CSMD1: variants seen among roughly 807,000 people sequenced by gnomAD.
CSMD1 encodes the protein CUB and sushi domain-containing protein 1.
In CSMD1, 213 loss-of-function variants were observed where a neutral mutation model predicts 417.5. That is an observed-to-expected ratio of 0.51 (90% CI 0.46 to 0.57). The LOEUF (loss-of-function observed/expected upper bound fraction) is 0.57. CSMD1 is among the 20% of genes least tolerant of loss of function. The pLI is 0.00. For synonymous variants in CSMD1, 2,862 were observed against 1,736.8 expected (o/e 1.65, Z -16.11); for missense variants, 6,923 against 4,529.7 (o/e 1.53, Z -15.17).
chr8:3,141,689 C>T (rs536022059), intron 41 of CSMD1, among the ~76,000 whole-genome samples: 2 of 152,264 alleles, frequency 1.3e-5, no homozygotes, highest in Admixed American at 6.5e-5. Flanking sequence ...TCTGCCATCG[C>T]ACTCGGGAAC....
At chr8:3,956,339 G>C (rs566515460) in intron 5 of CSMD1, among the ~76,000 whole-genome samples, 2 of 152,292 alleles carry the variant, frequency 1.3e-5, no homozygotes, top group African/African-American at 2.4e-5. Flanking sequence ...GAATCAGCAA[G>C]ATGTTAGTCA....
chr8:4,765,119 G>C (rs1026630219), intron 1 of CSMD1, among the ~76,000 whole-genome samples: 7 of 152,022 alleles, frequency 4.6e-5, no homozygotes, highest in Non-Finnish European at 8.8e-5. Context: ...TTCAAATCTT[G>C]GGTCTCCCTC....
rs553101149 is a variant in CSMD1, at chr8:4,978,309, A to G, written c.85+16023T>C. 1.7e-4 allele frequency among the ~76,000 whole-genome samples: 26 copies of G among 152,250 alleles called. 1 individual carries two copies. Among genetic ancestry groups the G allele is most frequent in the African/African-American group, 6.3e-4 (26 of 41,542 alleles). ...CTTTTTCAACTCAAGGGTCCCTCTAATTTGAGTCAGGACACTCTAATCTTG... is the reference window on the plus strand; with the variant it reads ...CTTTTTCAACTCAAGGGTCCCTCTAGTTTGAGTCAGGACACTCTAATCTTG... On this transcript the variant is annotated intron_variant, in intron 1 of 69. Transcript: ENST00000635120.
chr8:4,398,962 G>C (rs977408261), intron 3 of CSMD1, among the ~76,000 whole-genome samples: 16 of 152,030 alleles, frequency 1.1e-4, no homozygotes, highest in Non-Finnish European at 2.2e-4. Flanking sequence ...TTTTTTAAAA[G>C]CTTCTTCCAG....
chr8:4,599,717 A>G (rs1318353963), intron 2 of CSMD1, among the ~76,000 whole-genome samples: 4 of 152,204 alleles, frequency 2.6e-5, no homozygotes, highest in African/African-American at 4.8e-5. Flanking sequence ...AGTCATAGCA[A>G]CCACTAACCA....
In CSMD1 at chr8:4,306,880, A is replaced by G. The variant is rs545212010; in HGVS notation, c.415+113073T>C. Reference sequence around the variant, plus strand: ...TTCAATCTCTTTTTGCAAAATCTGCAGTTATGCTTTCCTTACGCTAAAAAT... The same window carrying G: ...TTCAATCTCTTTTTGCAAAATCTGCGGTTATGCTTTCCTTACGCTAAAAAT... On this transcript the variant is annotated intron_variant, in intron 3 of 69. Transcript: ENST00000635120. 1.2e-4 allele frequency among the ~76,000 whole-genome samples: 18 copies of G among 152,212 alleles called. No individual in the cohort carries two copies. In the South Asian group the frequency reaches 3.7e-3, roughly 32 times the overall value.
At chr8:4,600,755 A>T (rs927198719) in intron 2 of CSMD1, among the ~76,000 whole-genome samples, 2 of 152,196 alleles carry the variant, frequency 1.3e-5, no homozygotes, top group African/African-American at 4.8e-5. Context: ...CTTTATGGGA[A>T]CTAAGGCGTG....
chr8:4,059,136 A>T (rs1215412273), intron 3 of CSMD1, among the ~76,000 whole-genome samples: 2 of 152,156 alleles, frequency 1.3e-5, no homozygotes, highest in African/African-American at 4.8e-5. Flanking sequence ...GGATTAAGAA[A>T]CTCACTCAGA....
intron 3 of CSMD1, among the ~76,000 whole-genome samples, chr8:4,046,310 T>C (rs917389703): frequency 3.3e-5 from 5 of 152,186 alleles, no homozygotes; most frequent in Non-Finnish European, 7.4e-5. Context: ...ATTTCTCTTC[T>C]TTGTCCTGGA....
At chr8:2,976,682 C>A (rs754579237) in intron 55 of CSMD1, among the ~76,000 whole-genome samples, 1 of 152,132 alleles carries the variant, frequency 6.6e-6, no homozygotes, top group Non-Finnish European at 1.5e-5. Context: ...ATGCATAGGA[C>A]AAAGATCAGA....
chr8:2,980,096 C>T (rs115532263), intron 54 of CSMD1, among the ~76,000 whole-genome samples: 235 of 152,280 alleles, frequency 1.5e-3, no homozygotes, highest in African/African-American at 5.3e-3. Flanking sequence ...CGGACAGTCC[C>T]GGGCTGGAAC....
chr8:4,802,353 G>A (rs990617896), intron 1 of CSMD1, among the ~76,000 whole-genome samples: 5 of 95,704 alleles, frequency 5.2e-5, no homozygotes, highest in East Asian at 2.2e-4. Flanking sequence ...GTGTGCGCGC[G>A]TGTGTGTGTG....
chr8:4,946,455 C>A (rs962332463), intron 1 of CSMD1, among the ~76,000 whole-genome samples: 6 of 152,104 alleles, frequency 3.9e-5, no homozygotes, highest in Non-Finnish European at 5.9e-5. Flanking sequence ...ACAGGCTGGT[C>A]TGCCCAGTGA....
intron 3 of CSMD1, 100 bp from the exon 4 acceptor site, chr8:4,032,199 A>C: frequency 2.6e-6 from 2 of 783,512 alleles, no homozygotes; most frequent in Non-Finnish European, 4.0e-6. Context: ...TATTAAAATG[A>C]GAAAACCTCT....
At chr8:3,286,194 T>C (rs373372929) in intron 25 of CSMD1, among the ~76,000 whole-genome samples, 3 of 152,224 alleles carry the variant, frequency 2.0e-5, no homozygotes, top group East Asian at 3.8e-4. Context: ...CCATGGCGTA[T>C]ATGTGCTACA....
intron 3 of CSMD1, among the ~76,000 whole-genome samples, chr8:4,256,986 G>T (rs181438684): frequency 3.3e-5 from 5 of 152,158 alleles, no homozygotes; most frequent in Admixed American, 2.0e-4. Flanking sequence ...CAATCTGGAA[G>T]AAGTATGTAA....
chr8:4,565,212 T>C (rs1182173560), intron 2 of CSMD1, among the ~76,000 whole-genome samples: 1 of 152,218 alleles, frequency 6.6e-6, no homozygotes, highest in East Asian at 1.9e-4. Context: ...TTATGTTCTA[T>C]GTAATAACTT....
At position 4,161,463 on chromosome 8, in the gene CSMD1, C is replaced by G. The variant is rs182311741; in HGVS notation, c.416-129364G>C. On this transcript the variant is annotated intron_variant, in intron 3 of 69. Coordinates refer to ENST00000635120, the MANE Select transcript of CSMD1 (RefSeq NM_033225.6). ...ATTGAAACTGGAATAAGTTGAATGG[C>G]TTACTCAAGGTCATGCTGCTGTTGA... Among the ~76,000 whole-genome samples, 68 of 152,268 alleles carry G rather than the reference C, an allele frequency of 4.5e-4. 1 individual carries two copies. Among genetic ancestry groups the G allele is most frequent in the Admixed American group, 4.2e-3 (64 of 15,282 alleles).
In CSMD1 at chr8:3,567,322, G is replaced by T. The variant is rs535169295; in HGVS notation, c.1344+7623C>A. Among the ~76,000 whole-genome samples the T allele has an allele frequency of 3.3e-3, 494 of 151,920 alleles. 5 individuals carry two copies. Among genetic ancestry groups the T allele is most frequent in the African/African-American group, 0.011 (455 of 41,428 alleles). ...TCAGAAAAAACAACTGTTGGGTACT[G>T]GGCTTAATACCTGGGTGATGAATCT... On this transcript the variant is annotated intron_variant, in intron 10 of 69. Coordinates refer to ENST00000635120, the MANE Select transcript of CSMD1 (RefSeq NM_033225.6).
Sources: allele counts gnomAD v4.1 joint callset (sites outside exome capture counted in the v4.1 genomes callset), GRCh38; gene constraint gnomAD v4.1.1; transcripts MANE v1.5; gene names NCBI Gene and HGNC (gene_info 2026-07-23, HGNC 2026-07-21).